Variants in CELF2 observed in about 807,000 individuals in gnomAD.
The protein encoded by CELF2 is CUG triplet repeat RNA-binding protein 2.
In CELF2, 8 loss-of-function variants were observed where a neutral mutation model predicts 62.6. The observed-to-expected ratio is 0.13, with a 90% CI of 0.07 to 0.23. The LOEUF is 0.23. Ranked by LOEUF, CELF2 falls within the 10% of genes least tolerant of loss-of-function variation. The pLI, the probability that CELF2 is intolerant of heterozygous loss-of-function variation, is 1.00. For missense variants in CELF2, 333 were observed against 671.0 expected, an observed-to-expected ratio of 0.50 and a Z score of 5.56; for synonymous variants, 258 against 250.0, an observed-to-expected ratio of 1.03 and a Z score of -0.30.
chr10:10,976,999 G>GA (rs200491478), intron 2 of CELF2, among the ~76,000 whole-genome samples: 2,208 of 152,164 alleles, frequency 0.015, 52 homozygotes, highest in African/African-American at 0.051. Context: ...ATATGACTGT[G>GA]TCCCAGAAAG....
In CELF2 at chr10:11,101,513, G is replaced by C. The variant is rs547325581; in HGVS notation, c.75-63973G>C. ...AGAGTGTTAATGTCAAAGAACCCAA[G>C]ACATGAGAGGGTTTCAAGGTCAGAG... On this transcript the variant is annotated intron_variant, in intron 1 of 12. Coordinates refer to ENST00000633077, the MANE Select transcript of CELF2 (RefSeq NM_001326342.2). 3.9e-5 allele frequency among the ~76,000 whole-genome samples: 6 copies of C among 152,312 alleles called. No homozygotes were observed. The South Asian group carries it at 1.2e-3, about 32-fold the overall frequency.
At chr10:11,147,873 C>G (rs1297475678) in intron 1 of CELF2, among the ~76,000 whole-genome samples, 1 of 152,196 alleles carries the variant, frequency 6.6e-6, no homozygotes, top group Non-Finnish European at 1.5e-5. Context: ...AGCAGAGCCT[C>G]GCCTGGGCTC....
rs2060755131 is a variant in CELF2, at chr10:11,207,626, C to CA, written c.272-9799_272-9798insA. Among the ~76,000 whole-genome samples, 1 of 152,208 alleles carries CA rather than the reference C, an allele frequency of 6.6e-6. No individual in the cohort carries two copies. The highest frequency in any genetic ancestry group is 2.4e-5 in the African/African-American group (1 of 41,454). On this transcript the variant is annotated intron_variant, in intron 2 of 12. Transcript: ENST00000633077. The surrounding 1 kb of genome is among the most constrained non-coding windows in gnomAD (Gnocchi z 4.1). The stretch of plus-strand genomic sequence containing the variant: ...GTCCCACGCTGCCAGTGTAAGTTTC[C>CA]CAGGGGAATTCCTGGGATGGCACTT...
Position 11,335,637 on chromosome 10 carries a change from G to A in CELF2, c.*6584G>A, listed in dbSNP as rs954875566. 6 of 152,082 alleles carry A rather than the reference G, an allele frequency of 3.9e-5. No individual in the cohort carries two copies. Among genetic ancestry groups the A allele is most frequent in the South Asian group, 4.1e-4 (2 of 4,820 alleles). The allele number at this position is 152,082 out of a possible 1,614,324, so 9.4% of individuals were successfully genotyped here. A position where few individuals can be genotyped will look rare whatever the true frequency, so the allele number is the denominator to read the frequency against. On this transcript the variant is annotated 3_prime_UTR_variant, in exon 13 of 13. Transcript: ENST00000633077. This position sits in a 1 kb window ranked among gnomAD's most constrained non-coding sequence, Gnocchi z 5.0. ...TGCTTTCAGTCTCCTCATAGCCTTC[G>A]GCAGTCTCCTCTGAAAACACACTGC...
intron 3 of CELF2, among the ~76,000 whole-genome samples, chr10:11,248,769 C>CA (rs1464824969): frequency 6.6e-6 from 1 of 152,220 alleles, no homozygotes; most frequent in African/African-American, 2.4e-5. Context: ...ACCTCCATCT[C>CA]ACAGATGAGG....
In CELF2 at chr10:11,183,032, T is replaced by C. The variant is rs565991501; in HGVS notation, c.271+17350T>C. On this transcript the variant is annotated intron_variant, in intron 2 of 12. Coordinates refer to ENST00000633077, the MANE Select transcript of CELF2 (RefSeq NM_001326342.2). ...TTAAAGTATAAAATTTGATACATCT[T>C]AACATATGTATACACCTGTGAAACC... Among the ~76,000 whole-genome samples, 68 of 152,320 alleles carry C rather than the reference T, an allele frequency of 4.5e-4. 1 individual carries two copies. The highest frequency in any genetic ancestry group is 1.6e-3 in the African/African-American group (66 of 41,564).
intron 1 of CELF2, among the ~76,000 whole-genome samples, chr10:11,047,886 A>T (rs2139863052): frequency 6.6e-6 from 1 of 152,308 alleles, no homozygotes; most frequent in East Asian, 1.9e-4. Flanking sequence ...TTCTAGAGTG[A>T]AATACTTTGG....
At chr10:10,649,420 G>C in the CELF2 span, among the ~76,000 whole-genome samples, 3 of 152,158 alleles carry the variant, frequency 2.0e-5, no homozygotes. Context: ...CAGTATTACA[G>C]TACTCAAGTT....
rs575305994 is a variant in CELF2 at position 10,943,828 on chromosome 10, C to T, written c.89+23829C>T. On this transcript the variant is annotated intron_variant, in intron 2 of 13. Coordinates refer to the CELF2 transcript ENST00000636488. The stretch of plus-strand genomic sequence containing the variant: ...TGTTGGCCAGGCTGGTCTCAAACTC[C>T]TGACCTCAGGTGATCTGCTTGCCTC... Among the ~76,000 whole-genome samples, 6 of 150,634 alleles carry T rather than the reference C, an allele frequency of 4.0e-5. No homozygotes were observed. In the South Asian group the frequency reaches 1.1e-3, roughly 26 times the overall value.
At chr10:10,875,476 A>T (rs969771438) in intron 1 of CELF2, among the ~76,000 whole-genome samples, 2 of 152,196 alleles carry the variant, frequency 1.3e-5, no homozygotes, top group African/African-American at 2.4e-5. Flanking sequence ...ATAAAAATTG[A>T]TACACAATCT....
intron 4 of CELF2, 117 bp downstream of exon 4, chr10:11,249,318 CT>C: frequency 1.3e-6 from 1 of 782,550 alleles, no homozygotes; most frequent in South Asian, 1.5e-5. Flanking sequence ...ACAGAGAGCG[CT>C]GCTCCTGGAA....
At chr10:10,727,779 A>C in the CELF2 span, among the ~76,000 whole-genome samples, 5 of 151,698 alleles carry the variant, frequency 3.3e-5, no homozygotes, top group African/African-American at 1.2e-4. Context: ...CTGTCTCAAA[A>C]AAAAAAAAAG....
At chr10:10,905,911 G>GAA (rs2063306651) in intron 1 of CELF2, among the ~76,000 whole-genome samples, 1 of 149,442 alleles carries the variant, frequency 6.7e-6, no homozygotes, top group Non-Finnish European at 1.5e-5. Context: ...AAAGAAAAAA[G>GAA]AAAAAAATAC....
the CELF2 span, among the ~76,000 whole-genome samples, chr10:10,716,451 G>A: frequency 2.0e-5 from 3 of 152,258 alleles, no homozygotes; most frequent in African/African-American, 7.2e-5. Context: ...TGAGGTGGGA[G>A]GATCGCTTGA....
rs1199196967 is a variant in CELF2, at chr10:11,237,170, A to G, written c.355-11983A>G. Among the ~76,000 whole-genome samples, 1 of 152,194 alleles carries G rather than the reference A, an allele frequency of 6.6e-6. No individual in the cohort carries two copies. The highest frequency in any genetic ancestry group is 2.4e-5 in the African/African-American group (1 of 41,422). On this transcript the variant is annotated intron_variant, in intron 3 of 12. Transcript: ENST00000633077. The surrounding 1 kb of genome is among the most constrained non-coding windows in gnomAD (Gnocchi z 4.0). ...ACCTCACTAGGGCTGTAGCCGTGGA[A>G]ATAGAAAAGTCTATGAGAAGGAAAA...
the CELF2 span, among the ~76,000 whole-genome samples, chr10:10,774,319 G>A: frequency 6.6e-6 from 1 of 152,188 alleles, no homozygotes; most frequent in Admixed American, 6.5e-5. Flanking sequence ...GCACTATGAA[G>A]TAGTTAAAAC....
chr10:11,034,680 A>G (rs976986485), intron 1 of CELF2, among the ~76,000 whole-genome samples: 1 of 152,132 alleles, frequency 6.6e-6, no homozygotes, highest in Non-Finnish European at 1.5e-5. Flanking sequence ...CATTCAAAAG[A>G]GCTGCAGTGG....
At chr10:10,664,606 A>G in the CELF2 span, among the ~76,000 whole-genome samples, 1 of 152,232 alleles carries the variant, frequency 6.6e-6, no homozygotes, top group Admixed American at 6.5e-5. Context: ...GTGGGCTAGC[A>G]AGGAAGACTG....
chr10:10,475,740 C>T, the CELF2 span, among the ~76,000 whole-genome samples: 1 of 151,958 alleles, frequency 6.6e-6, no homozygotes, highest in African/African-American at 2.4e-5. Context: ...TTTGCTCAGG[C>T]CTTCTCTGTA....
Sources: allele counts gnomAD v4.1 joint callset (sites outside exome capture counted in the v4.1 genomes callset), GRCh38; gene constraint gnomAD v4.1.1; non-coding constraint Gnocchi (gnomAD v3.1); transcripts MANE v1.5; gene names NCBI Gene and HGNC (gene_info 2026-07-23, HGNC 2026-07-21).